Variants in EYA3 observed in about 807,000 individuals in gnomAD.
EYA3 encodes protein phosphatase EYA3.
Under a neutral mutation model 80.0 loss-of-function variants are expected in EYA3, and 39 were observed. The observed-to-expected ratio is 0.49, with a 90% CI of 0.38 to 0.64. The LOEUF (loss-of-function observed/expected upper bound fraction) is 0.64, where lower values mean the gene tolerates loss of function less well. Ranked by LOEUF, EYA3 falls within the 30% of genes least tolerant of loss-of-function variation. The pLI, the probability that EYA3 is intolerant of heterozygous loss-of-function variation, is 0.00. For synonymous variants in EYA3, 206 were observed against 232.8 expected (o/e 0.88, Z 1.05); for missense variants, 523 against 676.1 (o/e 0.77, Z 2.51).
chr1:27,978,547 T>C, intron 16 of EYA3, 73 bp from the exon 17 acceptor site: 2 of 1,254,144 alleles, frequency 1.6e-6, no homozygotes, highest in Admixed American at 1.7e-5. Flanking sequence ...GGGCTGCTGC[T>C]AGGTTCACCT....
At chr1:28,045,689 C>T (rs752776115) in intron 3 of EYA3, among the ~76,000 whole-genome samples, 18 of 152,090 alleles carry the variant, frequency 1.2e-4, no homozygotes, top group Non-Finnish European at 2.5e-4. Context: ...AGAGAAATGA[C>T]ATACTGCCTC....
intron 8 of EYA3, among the ~76,000 whole-genome samples, chr1:28,015,292 T>C (rs142588911): frequency 9.2e-5 from 14 of 152,308 alleles, no homozygotes; most frequent in Admixed American, 5.9e-4. Flanking sequence ...TGAGTCTGGT[T>C]GAAACAAAGG....
chr1:28,051,427 C>CATA (rs1346598492), intron 2 of EYA3, among the ~76,000 whole-genome samples: 1 of 152,160 alleles, frequency 6.6e-6, no homozygotes, highest in African/African-American at 2.4e-5. Context: ...GTGGCTCACG[C>CATA]TTCTAATCCC....
At position 28,056,904 on chromosome 1, in the gene EYA3, A is replaced by G. The variant is rs1019786464; in HGVS notation, c.33+1090T>C. Reference sequence around the variant, plus strand: ...ATTTTTCCTGGTACATATAGTATCTATAATTCAGCTATTTGTTCCAGTAGT... The same window carrying G: ...ATTTTTCCTGGTACATATAGTATCTGTAATTCAGCTATTTGTTCCAGTAGT... On this transcript the variant is annotated intron_variant, in intron 2 of 17. Transcript: ENST00000373871. 3.3e-5 allele frequency among the ~76,000 whole-genome samples: 5 copies of G among 152,234 alleles called. No homozygotes were observed. The South Asian group carries it at 6.2e-4, about 19-fold the overall frequency.
At chr1:28,021,018 G>A (rs1171691417) in intron 7 of EYA3, among the ~76,000 whole-genome samples, 2 of 152,118 alleles carry the variant, frequency 1.3e-5, no homozygotes, top group South Asian at 2.1e-4. Context: ...AGAAGACCAC[G>A]GTTACAGAAT....
intron 2 of EYA3, among the ~76,000 whole-genome samples, chr1:28,048,943 G>T (rs1255795676): frequency 1.3e-5 from 2 of 151,824 alleles, no homozygotes; most frequent in African/African-American, 2.4e-5. Context: ...TTTCCTTCTG[G>T]GGAGAAGGCA....
At chr1:28,044,715 T>G (rs1474727332) in intron 3 of EYA3, among the ~76,000 whole-genome samples, 1 of 152,194 alleles carries the variant, frequency 6.6e-6, no homozygotes, top group African/African-American at 2.4e-5. Context: ...AACTGACTTC[T>G]AATATTCAAG....
At chr1:28,045,612 T>C (rs1232059318) in intron 3 of EYA3, among the ~76,000 whole-genome samples, 1 of 152,166 alleles carries the variant, frequency 6.6e-6, no homozygotes. Context: ...AGAGAATAAA[T>C]AGAAACAACA....
At chr1:28,051,498 G>A (rs112727111) in intron 2 of EYA3, among the ~76,000 whole-genome samples, 1 of 152,244 alleles carries the variant, frequency 6.6e-6, no homozygotes, top group South Asian at 2.1e-4. Context: ...GACCAGGCTG[G>A]CCAACATGGT....
intron 16 of EYA3, among the ~76,000 whole-genome samples, chr1:27,987,739 T>G (rs1366892622): frequency 6.6e-6 from 1 of 152,186 alleles, no homozygotes; most frequent in East Asian, 1.9e-4. Flanking sequence ...CAGGCTGGAG[T>G]GCAGTGGCGC....
At chr1:27,983,763 C>T (rs1639465924) in intron 16 of EYA3, among the ~76,000 whole-genome samples, 1 of 152,190 alleles carries the variant, frequency 6.6e-6, no homozygotes, top group South Asian at 2.1e-4. Context: ...TCAAGCGATT[C>T]TCCTGCCTCA....
In EYA3 at chr1:27,988,537, A is replaced by G; in HGVS notation, c.1538T>C (p.Ile513Thr). The change falls in exon 16 of 18, where the codon ATT becomes ACT. Residue 513 changes from isoleucine to threonine, a missense_variant and splice_region_variant. Ile to Thr is a moderately conservative substitution (Grantham distance 89, BLOSUM62 -1). Around this residue, in one of 2 missense-constraint regions of EYA3, gnomAD observed 219 missense variants for 332.8 expected, o/e 0.66. Transcript: ENST00000373871. ...PIENIYSATK[I>T]GKESCFERIV... Reference sequence around the variant, plus strand: ...AAGAAACAGCATAGAAACCATACCAATTTTGGTAGCACTATAGATGTTCTC... The same window carrying G: ...AAGAAACAGCATAGAAACCATACCAGTTTTGGTAGCACTATAGATGTTCTC... 1 of 1,612,650 alleles carries G rather than the reference A, an allele frequency of 6.2e-7. No individual in the cohort carries two copies. The highest frequency in any genetic ancestry group is 8.5e-7 in the Non-Finnish European group (1 of 1,179,628).
At chr1:28,067,596 T>A (rs1644877442) in intron 1 of EYA3, among the ~76,000 whole-genome samples, 1 of 151,894 alleles carries the variant, frequency 6.6e-6, no homozygotes, top group Non-Finnish European at 1.5e-5. Context: ...TGATCTTGCC[T>A]TACCTAAAAA....
chr1:28,018,882 G>A (rs980892402), intron 7 of EYA3, among the ~76,000 whole-genome samples: 5 of 152,176 alleles, frequency 3.3e-5, no homozygotes, highest in Non-Finnish European at 7.3e-5. Flanking sequence ...CCCTAACTAT[G>A]GCCAGGTGCG....
intron 1 of EYA3, among the ~76,000 whole-genome samples, chr1:28,088,319 G>A (rs1316846079): frequency 2.0e-5 from 3 of 152,200 alleles, no homozygotes; most frequent in Non-Finnish European, 4.4e-5. Flanking sequence ...GGCGACAGAG[G>A]CACGGAAGCG....
intron 14 of EYA3, among the ~76,000 whole-genome samples, chr1:27,991,764 A>G (rs1445418673): frequency 6.6e-6 from 1 of 151,320 alleles, no homozygotes; most frequent in Middle Eastern, 3.2e-3. Context: ...TGTACAAAAC[A>G]TACAGCTGGC....
chr1:28,016,244 A>T (rs1442450674), intron 8 of EYA3, among the ~76,000 whole-genome samples: 1 of 152,104 alleles, frequency 6.6e-6, no homozygotes, highest in East Asian at 1.9e-4. Context: ...AAGAATAAAC[A>T]AGGCTGGGCG....
intron 16 of EYA3, among the ~76,000 whole-genome samples, chr1:27,986,030 G>C (rs1165725838): frequency 6.6e-6 from 1 of 151,826 alleles, no homozygotes; most frequent in Admixed American, 6.6e-5. Context: ...AAAAAAAAAA[G>C]CTGGTAAAAT....
intron 3 of EYA3, among the ~76,000 whole-genome samples, chr1:28,044,503 C>T (rs990070101): frequency 9.9e-5 from 15 of 152,112 alleles, no homozygotes; most frequent in African/African-American, 3.6e-4. Context: ...CATTCATGCA[C>T]CCTAGAAAGA....
Sources: gnomAD v4.1 joint callset for allele counts (sites outside exome capture counted in the v4.1 genomes callset) on GRCh38, gnomAD v4.1.1 for gene constraint, gnomAD v4.1.1 regional missense constraint, MANE v1.5 for transcripts, NCBI Gene and HGNC (gene_info 2026-07-23, HGNC 2026-07-21) for gene names.